The following CYP4F22 variants were observed in gnomAD, a reference collection of about 807,000 sequenced individuals.
The protein encoded by CYP4F22 is ultra-long-chain fatty acid omega-hydroxylase.
CYP4F22 carries 37 observed loss-of-function variants against 60.4 expected under a neutral mutation model. The ratio of observed to expected loss-of-function variants is 0.61; its 90% confidence interval spans 0.47 to 0.81. The LOEUF (loss-of-function observed/expected upper bound fraction) is 0.81. Among genes scored for constraint, CYP4F22 ranks in the 30% least tolerant of loss-of-function variants. The probability of loss-of-function intolerance (pLI) is 0.00; values close to 1 mark genes in which losing one functional copy is unlikely to be tolerated. For missense variants in CYP4F22, 655 were observed against 715.0 expected, an observed-to-expected ratio of 0.92 and a Z score of 0.96; for synonymous variants, 258 against 280.5, an observed-to-expected ratio of 0.92 and a Z score of 0.80.
intron 1 of CYP4F22, among the ~76,000 whole-genome samples, chr19:15,515,641 G>T (rs1292216388): frequency 6.6e-6 from 1 of 150,946 alleles, no homozygotes; most frequent in Admixed American, 6.6e-5. Context: ...CAGGAGAATT[G>T]CTGGAACCCG....
intron 1 of CYP4F22, among the ~76,000 whole-genome samples, chr19:15,509,922 C>CTTCCTTCTTTCTTTCTTTCTTTCT (rs1555725990): frequency 5.2e-5 from 6 of 115,494 alleles, no homozygotes; most frequent in Non-Finnish European, 7.4e-5. Context: ...TCTTTCCTTC[C>CTTCCTTCTTTCTTTCTTTCTTTCT]TTCTTTCTTT....
chr19:15,516,491 C>T (rs144045380), intron 1 of CYP4F22, among the ~76,000 whole-genome samples: 1,695 of 152,316 alleles, frequency 0.011, 25 homozygotes, highest in South Asian at 0.023. Context: ...TTGCTTCCCT[C>T]CTTTGTTCAG....
rs1555725971 is a variant in CYP4F22, at chr19:15,509,904, C to CTTTCCTTCCTTCTTTCTTT, written c.-109+1321_-109+1322insTTTCCTTCCTTCTTTCTTT. Among the ~76,000 whole-genome samples the CTTTCCTTCCTTCTTTCTTT allele has an allele frequency of 9.9e-4, 86 of 86,752 alleles. 1 individual carries two copies. The highest frequency in any genetic ancestry group is 2.3e-3 in the South Asian group (5 of 2,222). The allele number at this position is 86,752 out of a possible 152,430, so 56.9% of individuals were successfully genotyped here. A position where few individuals can be genotyped will look rare whatever the true frequency, so the allele number is the denominator to read the frequency against. On this transcript the variant is annotated intron_variant, in intron 1 of 13. Transcript: ENST00000269703. ...TCCTTCCTTCCTTCCTTCCTTCCTT[C>CTTTCCTTCCTTCTTTCTTT]CTTTCTTTCTTTCCTTCCTTCTTTC...
chr19:15,538,482 G>A (rs1273529), intron 7 of CYP4F22, among the ~76,000 whole-genome samples: 117,307 of 152,152 alleles, frequency 0.77, 45,402 homozygotes, highest in East Asian at 0.91. Flanking sequence ...AATAACCAAT[G>A]CCTTGCTTCA....
chr19:15,523,837 A>G (rs1452750414), intron 2 of CYP4F22, 38 bp downstream of exon 2: 2 of 152,224 alleles, frequency 1.3e-5, no homozygotes, highest in Non-Finnish European at 2.9e-5. Flanking sequence ...TGTTCAGAGT[A>G]GCATATTTCA....
At chr19:15,509,390 C>A (rs767594812) in intron 1 of CYP4F22, among the ~76,000 whole-genome samples, 8 of 152,158 alleles carry the variant, frequency 5.3e-5, no homozygotes, top group Admixed American at 1.3e-4. Flanking sequence ...AGTCTCACCG[C>A]CCTGTAGGCA....
chr19:15,539,567 G>C (rs1418182443), intron 7 of CYP4F22, among the ~76,000 whole-genome samples: 1 of 152,128 alleles, frequency 6.6e-6, no homozygotes, highest in Non-Finnish European at 1.5e-5. Context: ...AGAATTGCTG[G>C]GTCATACGGT....
At chr19:15,530,921 G>A (rs1406671277) in intron 4 of CYP4F22, among the ~76,000 whole-genome samples, 1 of 152,080 alleles carries the variant, frequency 6.6e-6, no homozygotes, top group Non-Finnish European at 1.5e-5. Flanking sequence ...CGGGACATCT[G>A]AGAGAACTCA....
intron 4 of CYP4F22, among the ~76,000 whole-genome samples, chr19:15,534,137 T>G (rs1187724740): frequency 2.0e-5 from 3 of 152,214 alleles, no homozygotes; most frequent in East Asian, 1.9e-4. Flanking sequence ...GTAATAAAAA[T>G]AGCCAACAGT....
chr19:15,519,263 A>AATT (rs1568354407), intron 1 of CYP4F22, among the ~76,000 whole-genome samples: 2 of 139,244 alleles, frequency 1.4e-5, no homozygotes, highest in Non-Finnish European at 3.1e-5. Context: ...TGAGAATGGG[A>AATT]TTTTTTTTTT....
At chr19:15,545,328 G>C (rs12608787) in intron 10 of CYP4F22, among the ~76,000 whole-genome samples, 23,944 of 152,006 alleles carry the variant, frequency 0.16, 2,468 homozygotes, top group Middle Eastern at 0.3. Context: ...ATGCTATGTA[G>C]AGCTGATTCT....
intron 12 of CYP4F22, among the ~76,000 whole-genome samples, chr19:15,549,698 C>T (rs991355010): frequency 2.6e-5 from 4 of 151,160 alleles, no homozygotes; most frequent in African/African-American, 7.3e-5. Context: ...AATGTGGTGG[C>T]TTGTGTCTGT....
chr19:15,513,539 T>A (rs979041872), intron 1 of CYP4F22, among the ~76,000 whole-genome samples: 2 of 151,932 alleles, frequency 1.3e-5, no homozygotes, highest in African/African-American at 4.8e-5. Context: ...TAATTTTTTT[T>A]ATTTTTAGTA....
At chr19:15,548,000 AGAGTGTGTGTGTGTGTGTGT>A in intron 10 of CYP4F22, 88 bp from the exon 11 acceptor site, 1 of 294,156 alleles carries the variant, frequency 3.4e-6, no homozygotes, top group Middle Eastern at 1.3e-3. Flanking sequence ...AGAGAGGGAG[AGAGTGTGTGTGTGTGTGTGT>A]GTGTGTGTGT....
chr19:15,526,532 C>T (rs1477199317), intron 3 of CYP4F22, among the ~76,000 whole-genome samples: 1 of 152,028 alleles, frequency 6.6e-6, no homozygotes, highest in African/African-American at 2.4e-5. Context: ...CTTGACAATT[C>T]TAGGAAGTAG....
At chr19:15,550,161 G>C (rs1806303868) in intron 12 of CYP4F22, among the ~76,000 whole-genome samples, 1 of 152,002 alleles carries the variant, frequency 6.6e-6, no homozygotes, top group Non-Finnish European at 1.5e-5. Flanking sequence ...GAACTCCTGA[G>C]CTCAGATGAT....
intron 8 of CYP4F22, among the ~76,000 whole-genome samples, chr19:15,541,197 G>T (rs1408928046): frequency 6.6e-6 from 1 of 152,186 alleles, no homozygotes; most frequent in Non-Finnish European, 1.5e-5. Flanking sequence ...CTATTACAAA[G>T]TACCACAAAC....
At chr19:15,542,236 A>T (rs1209776977) in intron 8 of CYP4F22, among the ~76,000 whole-genome samples, 1 of 152,100 alleles carries the variant, frequency 6.6e-6, no homozygotes, top group Non-Finnish European at 1.5e-5. Context: ...AATGTAATTT[A>T]AAGTTCCAGG....
intron 10 of CYP4F22, among the ~76,000 whole-genome samples, chr19:15,545,577 A>C (rs1318151608): frequency 7.3e-6 from 1 of 136,190 alleles, no homozygotes; most frequent in Admixed American, 8.2e-5. Context: ...TGAACCCAGG[A>C]GGTGGAGGCT....
Sources: gnomAD v4.1 joint callset for allele counts (sites outside exome capture counted in the v4.1 genomes callset) on GRCh38, gnomAD v4.1.1 for gene constraint, MANE v1.5 for transcripts, NCBI Gene and HGNC (gene_info 2026-07-23, HGNC 2026-07-21) for gene names.